Variants in DLEC1 observed in about 807,000 individuals in gnomAD.
DLEC1 encodes the protein DLEC1 cilia and flagella associated protein.
A neutral mutation model predicts 198.1 loss-of-function variants in DLEC1; 146 were observed. The observed-to-expected ratio is 0.74, with a 90% CI of 0.64 to 0.85. DLEC1 has a LOEUF of 0.85. Ranked by LOEUF, DLEC1 falls within the 40% of genes least tolerant of loss-of-function variation. The pLI is 0.00. For missense variants in DLEC1, 2,233 were observed against 2,220.0 expected, an observed-to-expected ratio of 1.01 and a Z score of -0.12; for synonymous variants, 897 against 866.8, an observed-to-expected ratio of 1.03 and a Z score of -0.61.
At position 38,059,679 on chromosome 3, in the gene DLEC1, G is replaced by A. The variant is rs576030226; in HGVS notation, c.563-63G>A. On this transcript the variant is annotated intron_variant, in intron 2 of 36. Transcript: ENST00000308059. ...GGCTTGGCGGATGAAGAAAGTTTGG[G>A]TGTGGGTTCTTCAAAGTCAGTCTGG... is the stretch of plus-strand genomic sequence containing the variant. The A allele has an allele frequency of 2.5e-5, 34 of 1,385,278 alleles. No individual in the cohort carries two copies. In the Admixed American group the frequency reaches 5.1e-4, roughly 21 times the overall value. The allele number at this position is 1,385,278 out of a possible 1,614,324, so 85.8% of individuals were successfully genotyped here.
chr3:38,083,977 C>T (rs1437467220), intron 6 of DLEC1, among the ~76,000 whole-genome samples, 181 bp from the exon 7 acceptor site: 1 of 152,084 alleles, frequency 6.6e-6, no homozygotes, highest in African/African-American at 2.4e-5. Context: ...AACAAAAGTA[C>T]ATAGGATGGC....
intron 26 of DLEC1, among the ~76,000 whole-genome samples, chr3:38,114,767 C>T (rs1346928971): frequency 6.6e-6 from 1 of 152,210 alleles, no homozygotes; most frequent in Non-Finnish European, 1.5e-5. Context: ...CTGCTCAGGG[C>T]AGGTGGGTGG....
At chr3:38,064,676 A>G (rs1311502692) in intron 6 of DLEC1, among the ~76,000 whole-genome samples, 465 of 150,394 alleles carry the variant, frequency 3.1e-3, no homozygotes, top group African/African-American at 0.01. Flanking sequence ...GCTGCGGGGC[A>G]GAGACACTCC....
chr3:38,053,240 C>T (rs1430515472), intron 2 of DLEC1, among the ~76,000 whole-genome samples: 1 of 152,152 alleles, frequency 6.6e-6, no homozygotes, highest in African/African-American at 2.4e-5. Flanking sequence ...AGCGTCTCTG[C>T]CTGGCCGCCC....
At chr3:38,075,389 C>T (rs1306498591) in intron 6 of DLEC1, among the ~76,000 whole-genome samples, 2 of 151,888 alleles carry the variant, frequency 1.3e-5, no homozygotes, top group African/African-American at 4.8e-5. Flanking sequence ...TGTATTGGGG[C>T]CAAGCAGTGT....
At position 38,114,949 on chromosome 3, in the gene DLEC1, G is replaced by A. The variant is rs199616555; in HGVS notation, c.3786-34G>A. On this transcript the variant is annotated intron_variant, in intron 26 of 36. Transcript: ENST00000308059. Reference sequence around the variant, plus strand: ...CCTACCTGCAAGGTGTACGCTGGCTGTGGCTGTACTGAGTCCAGTCTGTCC... The same window carrying A: ...CCTACCTGCAAGGTGTACGCTGGCTATGGCTGTACTGAGTCCAGTCTGTCC... The A allele has an allele frequency of 9.6e-5, 154 of 1,602,280 alleles. 1 individual carries two copies. The East Asian group carries it at 3.3e-3, about 34-fold the overall frequency.
At chr3:38,046,238 T>C (rs1314899532) in intron 2 of DLEC1, among the ~76,000 whole-genome samples, 1 of 152,054 alleles carries the variant, frequency 6.6e-6, no homozygotes, top group Non-Finnish European at 1.5e-5. Context: ...GCAATGACCT[T>C]TGTGTGAGGT....
At chr3:38,082,572 T>C (rs1698107887) in intron 6 of DLEC1, among the ~76,000 whole-genome samples, 2 of 150,998 alleles carry the variant, frequency 1.3e-5, no homozygotes, top group African/African-American at 4.9e-5. Flanking sequence ...GAGGTTGGGG[T>C]GTGGAAATAA....
intron 10 of DLEC1, among the ~76,000 whole-genome samples, chr3:38,089,691 C>G (rs1215687807): frequency 3.9e-5 from 6 of 152,184 alleles, no homozygotes; most frequent in African/African-American, 1.4e-4. Context: ...GGACATCCCC[C>G]TCATCCCATC....
chr3:38,107,463 A>T, intron 19 of DLEC1, 121 bp from the exon 20 acceptor site: 1 of 1,095,266 alleles, frequency 9.1e-7, no homozygotes. Context: ...CATTAATTCT[A>T]GAGTTTCTAA....
chr3:38,042,277 G>A (rs1700693415), intron 1 of DLEC1, among the ~76,000 whole-genome samples: 2 of 152,108 alleles, frequency 1.3e-5, no homozygotes, highest in Admixed American at 1.3e-4. Context: ...ACAAGAGTGT[G>A]CCACTGCGCC....
chr3:38,081,697 T>C (rs1192225494), intron 6 of DLEC1, among the ~76,000 whole-genome samples: 35 of 34,862 alleles, frequency 1.0e-3, no homozygotes, highest in African/African-American at 3.7e-3. Context: ...CCGGACGGGG[T>C]GGCTGGCCGG....
Position 38,084,188 on chromosome 3 carries a change from A to AGGG in DLEC1, c.1204_1205insGGG (p.Thr402delinsArgAla), listed in dbSNP as rs1575169242. ...AATTGCGCTGCAGAACACCACCACG[A>AGGG]CCAGCCGCTACCTGCGAGTCCTCCC... On this transcript the variant is annotated protein_altering_variant, in exon 7 of 37. Transcript: ENST00000308059. 2 of 1,612,636 alleles carry AGGG rather than the reference A, an allele frequency of 1.2e-6. No individual in the cohort carries two copies. The highest frequency in any genetic ancestry group is 1.7e-6 in the Non-Finnish European group (2 of 1,179,434).
intron 6 of DLEC1, among the ~76,000 whole-genome samples, chr3:38,069,063 G>T (rs969835964): frequency 6.6e-6 from 1 of 152,068 alleles, no homozygotes; most frequent in African/African-American, 2.4e-5. Flanking sequence ...ACTATTTGGA[G>T]ACATGGAAAT....
intron 22 of DLEC1, 142 bp from the exon 23 acceptor site, chr3:38,109,957 G>T: frequency 1.0e-6 from 1 of 962,152 alleles, no homozygotes; most frequent in East Asian, 2.6e-5. Context: ...TGGGTCTGTG[G>T]TTGGCAGCTC....
At position 38,122,950 on chromosome 3, in the gene DLEC1, G is replaced by A; in HGVS notation, c.*538G>A. The A allele has an allele frequency of 7.9e-7, 1 of 1,260,794 alleles. No individual in the cohort carries two copies. The highest frequency in any genetic ancestry group is 1.2e-5 in the South Asian group (1 of 82,026). 78.1% of individuals were successfully genotyped at this position (1,260,794 alleles called of 1,614,324 possible). A position where few individuals can be genotyped will look rare whatever the true frequency, so the allele number is the denominator to read the frequency against. On this transcript the variant is annotated 3_prime_UTR_variant, in exon 37 of 37. Coordinates refer to ENST00000308059, the MANE Select transcript of DLEC1 (RefSeq NM_007335.4). ...TCTGTCCACTGCCACCACCACCAGT[G>A]CTGAGTTTTCCCATGTGGTTTTGCT...
At position 38,107,619 on chromosome 3, in the gene DLEC1, A is replaced by T. The variant is rs1194109295; in HGVS notation, c.2900A>T (p.His967Leu). 2.5e-6 allele frequency: 4 copies of T among 1,613,636 alleles called. No homozygotes were observed. In the African/African-American group the frequency reaches 5.3e-5, roughly 22 times the overall value. The change falls in exon 20 of 37, where the codon CAT becomes CTT. Residue 967 changes from histidine to leucine, a missense_variant. His to Leu is a moderately conservative substitution (Grantham distance 99). Coordinates refer to ENST00000308059, the MANE Select transcript of DLEC1 (RefSeq NM_007335.4). ...LPVYAEVQKP[H>L]VYLQSSQVEV... ...GTGTATGCTGAGGTACAGAAGCCCC[A>T]TGTGTACCTACAGAGCAGCCAGGTG...
chr3:38,120,834 TG>T (rs1700413494), intron 34 of DLEC1, among the ~76,000 whole-genome samples: 1 of 152,082 alleles, frequency 6.6e-6, no homozygotes, highest in South Asian at 2.1e-4. Context: ...GGCCAGAGTG[TG>T]GGAAATCAGG....
rs962763087 is a variant in DLEC1 at position 38,059,791 on chromosome 3, T to C, written c.612T>C (p.His204=). 6.2e-7 allele frequency: 1 copy of C among 1,614,162 alleles called. No individual in the cohort carries two copies. The highest frequency in any genetic ancestry group is 8.5e-7 in the Non-Finnish European group (1 of 1,180,008). The part of the protein sequence containing the change: ...WCIDSELLRK[H]HLISPEDYYT... Reference sequence around the variant, plus strand: ...TAGACAGCGAGTTGCTACGGAAACATCATTTGATCTCCCCAGAAGATTACT... The same window carrying C: ...TAGACAGCGAGTTGCTACGGAAACACCATTTGATCTCCCCAGAAGATTACT... The change falls in exon 3 of 37, where the codon CAT becomes CAC. Residue 204 remains histidine (H), a synonymous_variant. Transcript: ENST00000308059.
Sources: gnomAD v4.1 joint callset for allele counts (sites outside exome capture counted in the v4.1 genomes callset) on GRCh38, gnomAD v4.1.1 for gene constraint, MANE v1.5 for transcripts, NCBI Gene and HGNC (gene_info 2026-07-23, HGNC 2026-07-21) for gene names.